TPST1: variants seen among roughly 807,000 people sequenced by gnomAD.
The protein encoded by TPST1 is protein-tyrosine sulfotransferase 1.
TPST1 carries 20 observed loss-of-function variants against 34.8 expected under a neutral mutation model. The ratio of observed to expected loss-of-function variants is 0.57; its 90% CI spans 0.40 to 0.84. The LOEUF (loss-of-function observed/expected upper bound fraction) is 0.84, where lower values mean the gene tolerates loss of function less well. Among genes scored for constraint, TPST1 ranks in the 40% least tolerant of loss-of-function variants. TPST1 has a pLI of 0.00. For missense variants in TPST1, 353 were observed against 455.5 expected (o/e 0.78, Z 2.05); for synonymous variants, 152 against 159.4 (o/e 0.95, Z 0.35).
intron 3 of TPST1, among the ~76,000 whole-genome samples, chr7:66,318,004 T>C (rs960273142): frequency 2.0e-5 from 3 of 151,906 alleles, no homozygotes; most frequent in African/African-American, 7.3e-5. Context: ...ACTAAAAATA[T>C]AAAAATTAGC....
chr7:66,224,173 C>T (rs1480785259), intron 1 of TPST1, among the ~76,000 whole-genome samples: 1 of 152,196 alleles, frequency 6.6e-6, no homozygotes, highest in Non-Finnish European at 1.5e-5. Context: ...AAGAATGGCT[C>T]TTGCAACAAT....
chr7:66,350,424 T>TATCC lies in TPST1; in HGVS notation c.1045-2080_1045-2077dup, dbSNP rs536863376. ...ACACTCCTAGCAGCTGCAGTTTTGT[T>TATCC]ATCCTGCACCCTGTTCACTTTCCAG... On this transcript the variant is annotated intron_variant, in intron 3 of 5. Coordinates refer to ENST00000304842, the MANE Select transcript of TPST1 (RefSeq NM_003596.4). 1.7e-4 allele frequency among the ~76,000 whole-genome samples: 26 copies of TATCC among 152,262 alleles called. 1 individual carries two copies. The South Asian group carries it at 5.4e-3, about 32-fold the overall frequency.
chr7:66,281,525 A>T (rs1307973596), intron 2 of TPST1, among the ~76,000 whole-genome samples: 1 of 152,198 alleles, frequency 6.6e-6, no homozygotes, highest in African/African-American at 2.4e-5. Flanking sequence ...TGGTCTGTAG[A>T]ACACATTTTC....
chr7:66,282,376 G>C (rs1029922667), intron 2 of TPST1, among the ~76,000 whole-genome samples: 1 of 152,168 alleles, frequency 6.6e-6, no homozygotes, highest in African/African-American at 2.4e-5. Context: ...CTGTTATAGA[G>C]CAAAAGCAGC....
intron 2 of TPST1, among the ~76,000 whole-genome samples, chr7:66,242,502 A>T (rs949052248): frequency 6.6e-6 from 1 of 152,140 alleles, no homozygotes; most frequent in Non-Finnish European, 1.5e-5. Context: ...TCAATTATTG[A>T]TTATAAGTTA....
At chr7:66,241,420 C>T in intron 2 of TPST1, 150 bp downstream of exon 2, 4 of 884,840 alleles carry the variant, frequency 4.5e-6, no homozygotes, top group Non-Finnish European at 6.3e-6. Context: ...GATACAGCTT[C>T]ATTGATGAGG....
At chr7:66,223,601 A>T (rs1181386359) in intron 1 of TPST1, among the ~76,000 whole-genome samples, 3 of 152,188 alleles carry the variant, frequency 2.0e-5, no homozygotes, top group African/African-American at 7.2e-5. Flanking sequence ...TATAAACATG[A>T]ACTTGATGAA....
chr7:66,340,005 C>T (rs1428555832), intron 3 of TPST1, among the ~76,000 whole-genome samples: 2 of 152,068 alleles, frequency 1.3e-5, no homozygotes, highest in African/African-American at 4.8e-5. Flanking sequence ...AATTCAGCAT[C>T]CCTTCTTGAT....
chr7:66,302,494 T>A (rs1791337672), intron 3 of TPST1, among the ~76,000 whole-genome samples: 1 of 152,212 alleles, frequency 6.6e-6, no homozygotes, highest in Non-Finnish European at 1.5e-5. Flanking sequence ...CATGTAATTG[T>A]CAGGTCAAGA....
chr7:66,220,855 G>T (rs1789528661), intron 1 of TPST1, among the ~76,000 whole-genome samples: 1 of 152,188 alleles, frequency 6.6e-6, no homozygotes, highest in Admixed American at 6.5e-5. Context: ...GTTCCTGGCT[G>T]GGAGCGGTGG....
intron 3 of TPST1, among the ~76,000 whole-genome samples, chr7:66,324,953 T>C (rs2116227658): frequency 6.6e-6 from 1 of 152,322 alleles, no homozygotes; most frequent in South Asian, 2.1e-4. Flanking sequence ...AAAGTCTTGA[T>C]GTTGGTGGCT....
At chr7:66,311,575 C>T (rs1271367315) in intron 3 of TPST1, among the ~76,000 whole-genome samples, 1 of 152,152 alleles carries the variant, frequency 6.6e-6, no homozygotes, top group Non-Finnish European at 1.5e-5. Flanking sequence ...CACTTTAAGG[C>T]TTCGATTATT....
intron 3 of TPST1, among the ~76,000 whole-genome samples, chr7:66,352,000 G>A (rs770855636): frequency 1.3e-5 from 2 of 151,934 alleles, no homozygotes; most frequent in Non-Finnish European, 1.5e-5. Flanking sequence ...TGAGATTTAC[G>A]GTTTATATCA....
rs780952403 is a variant in TPST1 at position 66,224,901 on chromosome 7, C to CT, written c.-101-15393dup. On this transcript the variant is annotated intron_variant, in intron 1 of 5. Coordinates refer to ENST00000304842, the MANE Select transcript of TPST1 (RefSeq NM_003596.4). ...AACTGAGCCTGAACATTCTGGTATTCTTTTTTTTTTTTTTTTTTTTTTTTT... is the reference window on the plus strand; with the variant it reads ...AACTGAGCCTGAACATTCTGGTATTCTTTTTTTTTTTTTTTTTTTTTTTTTT... 9.4e-3 allele frequency among the ~76,000 whole-genome samples: 400 copies of CT among 42,416 alleles called. 38 individuals are homozygous for CT. Among genetic ancestry groups the CT allele is most frequent in the African/African-American group, 0.017 (162 of 9,282 alleles). The allele number at this position is 42,416 out of a possible 152,430, so 27.8% of individuals were successfully genotyped here. A position where few individuals can be genotyped will look rare whatever the true frequency, so the allele number is the denominator to read the frequency against.
intron 3 of TPST1, among the ~76,000 whole-genome samples, chr7:66,305,055 G>A (rs967104286): frequency 6.6e-6 from 1 of 152,180 alleles, no homozygotes; most frequent in South Asian, 2.1e-4. Flanking sequence ...CTGGCCTCAA[G>A]CAATCCTGTT....
At chr7:66,270,655 T>G (rs189266358) in intron 2 of TPST1, among the ~76,000 whole-genome samples, 1 of 152,352 alleles carries the variant, frequency 6.6e-6, no homozygotes, top group African/African-American at 2.4e-5. Flanking sequence ...GCCTGTAAAG[T>G]TATTCACAAT....
At chr7:66,200,250 C>T in the TPST1 span, among the ~76,000 whole-genome samples, 15 of 152,074 alleles carry the variant, frequency 9.9e-5, no homozygotes, top group African/African-American at 3.6e-4. Context: ...AAAGGCTGAC[C>T]TAGAGGAGAG....
intron 3 of TPST1, among the ~76,000 whole-genome samples, chr7:66,320,622 G>A (rs1257360069): frequency 6.6e-6 from 1 of 151,384 alleles, no homozygotes; most frequent in East Asian, 1.9e-4. Flanking sequence ...GTGTGTGATG[G>A]AATTTCACTC....
In TPST1 at chr7:66,303,690, G is replaced by A. The variant is rs369844197; in HGVS notation, c.1044+16981G>A. On this transcript the variant is annotated intron_variant, in intron 3 of 5. Transcript: ENST00000304842. ...CTCTCAAAGTGCTGGGATTACAGGC[G>A]TGAGTCACTGCACCTGGCTTGTATA... Among the ~76,000 whole-genome samples, 4 of 152,180 alleles carry A rather than the reference G, an allele frequency of 2.6e-5. No individual in the cohort carries two copies. The East Asian group carries it at 5.8e-4, about 22-fold the overall frequency.
Sources: gnomAD v4.1 joint callset for allele counts (sites outside exome capture counted in the v4.1 genomes callset) on GRCh38, gnomAD v4.1.1 for gene constraint, MANE v1.5 for transcripts, NCBI Gene and HGNC (gene_info 2026-07-23, HGNC 2026-07-21) for gene names.